The following MYH15 variants were observed in gnomAD, a reference collection of about 807,000 sequenced individuals.
The protein encoded by MYH15 is myosin-15.
MYH15 carries 227 observed loss-of-function variants against 240.5 expected under a neutral mutation model. The ratio of observed to expected loss-of-function variants is 0.94; its 90% confidence interval spans 0.85 to 1.05. MYH15 has a LOEUF of 1.05. Among genes scored for constraint, MYH15 ranks in the 50% least tolerant of loss-of-function variants. The pLI is 0.00. For synonymous variants in MYH15, 785 were observed against 796.7 expected, an observed-to-expected ratio of 0.99 and a Z score of 0.25; for missense variants, 2,217 against 2,247.5, an observed-to-expected ratio of 0.99 and a Z score of 0.27.
chr3:108,429,221 G>A (rs1032808565), intron 26 of MYH15, among the ~76,000 whole-genome samples: 1 of 152,106 alleles, frequency 6.6e-6, no homozygotes, highest in Non-Finnish European at 1.5e-5. Context: ...AATTGGAATG[G>A]TAAATTTTAT....
At chr3:108,489,336 A>AG (rs1170319128) in intron 9 of MYH15, among the ~76,000 whole-genome samples, 2 of 152,218 alleles carry the variant, frequency 1.3e-5, no homozygotes, top group Non-Finnish European at 2.9e-5. Context: ...TGGAATTTAT[A>AG]CACTAGTTGA....
Position 108,388,986 on chromosome 3 carries a change from T to G in MYH15, c.5519A>C (p.Lys1840Thr), listed in dbSNP as rs1367227451. The change falls in exon 38 of 41, where the codon AAA becomes ACA. Residue 1840 changes from lysine to threonine, a missense_variant. Physicochemically the swap from Lys to Thr is moderately conservative, Grantham distance 78 (BLOSUM62 -1). Transcript: ENST00000693548. ...RGARRLERCIKELTYQAEEDK... is the reference protein window; with the variant it reads ...RGARRLERCITELTYQAEEDK... The stretch of plus-strand genomic sequence containing the variant: ...CTGGAGTACCTGATAGGTCAGCTCT[T>G]TGATGCATCGCTCAAGTCTGCGGGC... 2 of 1,613,546 alleles carry G rather than the reference T, an allele frequency of 1.2e-6. No individual in the cohort carries two copies. Among genetic ancestry groups the G allele is most frequent in the Non-Finnish European group, 8.5e-7 (1 of 1,179,770 alleles).
At chr3:108,466,264 A>G (rs1039414277) in intron 14 of MYH15, among the ~76,000 whole-genome samples, 1 of 152,224 alleles carries the variant, frequency 6.6e-6, no homozygotes, top group Non-Finnish European at 1.5e-5. Flanking sequence ...GCTGATGGAG[A>G]GAATGTGGTG....
intron 1 of MYH15, among the ~76,000 whole-genome samples, chr3:108,516,077 C>T (rs1431434450): frequency 6.6e-6 from 1 of 152,084 alleles, no homozygotes; most frequent in Non-Finnish European, 1.5e-5. Context: ...CATTTCAGTG[C>T]CTTAACTATA....
chr3:108,542,928 T>C, the MYH15 span, among the ~76,000 whole-genome samples: 1 of 149,654 alleles, frequency 6.7e-6, no homozygotes, highest in Admixed American at 6.7e-5. Flanking sequence ...TTGCCCAGGC[T>C]GGAGTGCAGT....
Position 108,476,516 on chromosome 3 carries a change from C to G in MYH15, c.1115-1G>C. The G allele has an allele frequency of 6.3e-7, 1 of 1,584,106 alleles. No homozygotes were observed. The highest frequency in any genetic ancestry group is 8.7e-7 in the Non-Finnish European group (1 of 1,153,062). ...ATGAGGAAAGCAGCTTTGTCAGCATCTGGTCATCAGAAATAGAAGAAAAGG... is the reference window on the plus strand; with the variant it reads ...ATGAGGAAAGCAGCTTTGTCAGCATGTGGTCATCAGAAATAGAAGAAAAGG... On this transcript the variant is annotated splice_acceptor_variant, in intron 11 of 40. Coordinates refer to ENST00000693548, the MANE Select transcript of MYH15 (RefSeq NM_014981.3). LOFTEE classifies it high-confidence loss of function.
intron 35 of MYH15, among the ~76,000 whole-genome samples, chr3:108,395,713 T>A (rs2082455445): frequency 6.6e-6 from 1 of 151,720 alleles, no homozygotes; most frequent in Admixed American, 6.6e-5. Flanking sequence ...AGCTCAAGTT[T>A]GAAAAAGACA....
At chr3:108,455,381 T>G (rs1345447560) in intron 20 of MYH15, among the ~76,000 whole-genome samples, 1 of 152,226 alleles carries the variant, frequency 6.6e-6, no homozygotes, top group Non-Finnish European at 1.5e-5. Context: ...GGTGGATGAA[T>G]CAGTTCACAC....
chr3:108,397,724 G>T (rs988849166), intron 35 of MYH15, among the ~76,000 whole-genome samples: 8 of 152,174 alleles, frequency 5.3e-5, no homozygotes, highest in Non-Finnish European at 1.0e-4. Flanking sequence ...TCCATTAGAA[G>T]CCAGAGTCCA....
At chr3:108,428,962 A>G (rs1203685563) in intron 26 of MYH15, 81 bp from the exon 27 acceptor site, 1 of 1,398,330 alleles carries the variant, frequency 7.2e-7, no homozygotes, top group Non-Finnish European at 9.7e-7. Flanking sequence ...CACAAAGCTA[A>G]CATGAAACTT....
intron 9 of MYH15, among the ~76,000 whole-genome samples, chr3:108,489,406 GA>G (rs1344165444): frequency 6.6e-6 from 1 of 152,108 alleles, no homozygotes; most frequent in Non-Finnish European, 1.5e-5. Context: ...AAAAAGAGGA[GA>G]AAAGGGAAAA....
At chr3:108,435,778 TTTA>T (rs2082827969) in intron 25 of MYH15, among the ~76,000 whole-genome samples, 1 of 126,334 alleles carries the variant, frequency 7.9e-6, no homozygotes, top group South Asian at 3.0e-4. Context: ...CATTTTTAAG[TTTA>T]TTTTTTATTT....
At chr3:108,506,115 C>T (rs2083473698) in intron 1 of MYH15, among the ~76,000 whole-genome samples, 1 of 152,134 alleles carries the variant, frequency 6.6e-6, no homozygotes, top group Admixed American at 6.5e-5. Flanking sequence ...CCAACCCCAA[C>T]ACTTTCCTCC....
In MYH15 at chr3:108,428,864, C is replaced by G; in HGVS notation, c.3330G>C (p.Leu1110Phe). 1 of 1,609,674 alleles carries G rather than the reference C, an allele frequency of 6.2e-7. No homozygotes were observed. Among genetic ancestry groups the G allele is most frequent in the Non-Finnish European group, 8.5e-7 (1 of 1,178,932 alleles). ...VKELQTQIKD[L>F]KEKLEAERTT... Reference sequence around the variant, plus strand: ...TCCTTTCAGCTTCTAGTTTCTCTTTCAAATCCTTTATTTGAGTCTGTAGCA... The same window carrying G: ...TCCTTTCAGCTTCTAGTTTCTCTTTGAAATCCTTTATTTGAGTCTGTAGCA... The change falls in exon 27 of 41, where the codon TTG becomes TTC. Residue 1110 changes from leucine to phenylalanine, a missense_variant. Transcript: ENST00000693548.
intron 25 of MYH15, among the ~76,000 whole-genome samples, chr3:108,433,749 C>T (rs983231629): frequency 6.6e-6 from 1 of 152,172 alleles, no homozygotes. Context: ...TCCTTGTCTT[C>T]TGCCATGACT....
intron 27 of MYH15, among the ~76,000 whole-genome samples, chr3:108,426,205 G>GAA (rs34105033): frequency 5.9e-4 from 77 of 130,522 alleles, no homozygotes; most frequent in South Asian, 3.4e-3. Context: ...AGTATTTTCA[G>GAA]AAAAAAAAAA....
intron 40 of MYH15, among the ~76,000 whole-genome samples, chr3:108,382,343 A>G (rs1317976868): frequency 6.6e-6 from 1 of 152,160 alleles, no homozygotes; most frequent in African/African-American, 2.4e-5. Context: ...TATTTCTTAT[A>G]TTTAGATCTA....
intron 18 of MYH15, among the ~76,000 whole-genome samples, chr3:108,458,631 C>A (rs1560387836): frequency 6.6e-6 from 1 of 152,026 alleles, no homozygotes; most frequent in Admixed American, 6.5e-5. Flanking sequence ...AGCCTCCAAA[C>A]CAAGCTCCAG....
intron 14 of MYH15, among the ~76,000 whole-genome samples, chr3:108,469,748 T>C (rs1378332289): frequency 6.6e-6 from 1 of 152,254 alleles, no homozygotes; most frequent in East Asian, 1.9e-4. Flanking sequence ...GTCAAGAGCA[T>C]GACCATTTTT....
Sources: allele counts gnomAD v4.1 joint callset (sites outside exome capture counted in the v4.1 genomes callset), GRCh38; gene constraint gnomAD v4.1.1; transcripts MANE v1.5; gene names NCBI Gene and HGNC (gene_info 2026-07-23, HGNC 2026-07-21).